SHISA6: variants seen among roughly 807,000 people sequenced by gnomAD.
The protein encoded by SHISA6 is protein shisa-6.
In SHISA6, 22 loss-of-function variants were observed where a neutral mutation model predicts 47.9. That is an observed-to-expected ratio of 0.46 (90% CI 0.33 to 0.66). The LOEUF (loss-of-function observed/expected upper bound fraction) is 0.66. Ranked by LOEUF, SHISA6 falls within the 30% of genes least tolerant of loss-of-function variation. The probability of loss-of-function intolerance (pLI) is 0.02; values close to 1 mark genes in which losing one functional copy is unlikely to be tolerated. For missense variants in SHISA6, 680 were observed against 764.6 expected (o/e 0.89, Z 1.30); for synonymous variants, 388 against 337.8 (o/e 1.15, Z -1.63).
At chr17:11,285,823 G>C (rs1051370236) in intron 2 of SHISA6, among the ~76,000 whole-genome samples, 5 of 150,624 alleles carry the variant, frequency 3.3e-5, no homozygotes, top group African/African-American at 4.9e-5. Flanking sequence ...GTGGCTCTGT[G>C]TCTCTCTCTC....
intron 2 of SHISA6, among the ~76,000 whole-genome samples, chr17:11,285,369 C>G (rs1408449976): frequency 1.3e-5 from 2 of 152,160 alleles, no homozygotes; most frequent in Non-Finnish European, 2.9e-5. Context: ...CAGCTTGTTG[C>G]AAATGATACA....
chr17:11,477,470 C>T (rs972798689), intron 3 of SHISA6, among the ~76,000 whole-genome samples: 1 of 151,896 alleles, frequency 6.6e-6, no homozygotes, highest in East Asian at 1.9e-4. Context: ...GCACATTGTG[C>T]AGGTTAGTTA....
chr17:11,369,587 T>C (rs1346419477), intron 2 of SHISA6, among the ~76,000 whole-genome samples: 1 of 152,204 alleles, frequency 6.6e-6, no homozygotes, highest in Non-Finnish European at 1.5e-5. Flanking sequence ...AAACTGACAA[T>C]TCCTTCATTT....
At chr17:11,447,281 G>A (rs1336476589) in intron 3 of SHISA6, among the ~76,000 whole-genome samples, 1 of 152,222 alleles carries the variant, frequency 6.6e-6, no homozygotes, top group Non-Finnish European at 1.5e-5. Flanking sequence ...GGTAGTCTCT[G>A]AATTAAGGAT....
In SHISA6 at chr17:11,558,348, C is replaced by T. The variant is rs997303500; in HGVS notation, c.*44C>T. 42 of 1,511,978 alleles carry T rather than the reference C, an allele frequency of 2.8e-5. No individual in the cohort carries two copies. The highest frequency in any genetic ancestry group is 1.2e-4 in the East Asian group (5 of 40,698). 93.7% of individuals were successfully genotyped at this position (1,511,978 alleles called of 1,614,324 possible). On this transcript the variant is annotated 3_prime_UTR_variant, in exon 6 of 6. Transcript: ENST00000441885. ...GGCTGCTGGGCGTGGCAGAGCAGAG[C>T]GGGGGCCGGGAGGGGCCAGGAGCAG...
At chr17:11,350,174 A>ATTTTTTTTTTTTTTTTTTTTTTT (rs1310542458) in intron 2 of SHISA6, among the ~76,000 whole-genome samples, 2 of 100,382 alleles carry the variant, frequency 2.0e-5, no homozygotes, top group African/African-American at 8.4e-5. Context: ...TTATTTATTT[A>ATTTTTTTTTTTTTTTTTTTTTTT]TTTATTTATT....
Position 11,379,422 on chromosome 17 carries a change from G to A in SHISA6, c.808G>A (p.Gly270Arg), listed in dbSNP as rs1912933368. The part of the protein sequence containing the change: ...RTAKQTPGHY[G>R]KDAYRSGGPD... ...GCCCCATCTTCTTGCAGGGCATTAT[G>A]GGAAGGATGCTTACCGAAGTGGAGG... The change falls in exon 3 of 6, where the codon GGG becomes AGG. Residue 270 changes from glycine (G) to arginine (R), a missense_variant. By Grantham distance (125) the Gly-to-Arg change is moderately radical. Coordinates refer to ENST00000441885, the MANE Select transcript of SHISA6 (RefSeq NM_207386.4). 1.3e-6 allele frequency: 2 copies of A among 1,537,990 alleles called. No homozygotes were observed. Among genetic ancestry groups the A allele is most frequent in the Non-Finnish European group, 1.8e-6 (2 of 1,141,288 alleles).
intron 3 of SHISA6, among the ~76,000 whole-genome samples, chr17:11,385,882 T>C (rs1913175812): frequency 6.6e-6 from 1 of 151,938 alleles, no homozygotes; most frequent in Non-Finnish European, 1.5e-5. Flanking sequence ...CAATCAGCTA[T>C]TATAGACTGT....
At chr17:11,245,978 G>A (rs1348341937) in intron 1 of SHISA6, among the ~76,000 whole-genome samples, 4 of 152,128 alleles carry the variant, frequency 2.6e-5, no homozygotes, top group East Asian at 1.9e-4. Context: ...GGGCCCCTTC[G>A]CTGGCTGATT....
At chr17:11,493,504 G>A (rs1188335521) in intron 3 of SHISA6, among the ~76,000 whole-genome samples, 1 of 152,184 alleles carries the variant, frequency 6.6e-6, no homozygotes, top group Non-Finnish European at 1.5e-5. Flanking sequence ...TGGGATTACA[G>A]GCATGAGCCA....
intron 3 of SHISA6, among the ~76,000 whole-genome samples, chr17:11,518,802 A>T (rs2071606009): frequency 6.6e-6 from 1 of 152,236 alleles, no homozygotes; most frequent in African/African-American, 2.4e-5. Context: ...GCCAAGACAG[A>T]GAAACATTCC....
In SHISA6 at chr17:11,465,749, C is replaced by T. The variant is rs144975269; in HGVS notation, c.896-86147C>T. 2.9e-3 allele frequency among the ~76,000 whole-genome samples: 440 copies of T among 152,298 alleles called. 2 individuals carry two copies. The highest frequency in any genetic ancestry group is 0.014 in the Middle Eastern group (4 of 294). On this transcript the variant is annotated intron_variant, in intron 3 of 5. Transcript: ENST00000441885. ...CAGTGGGGGTGATGCTGCTTCAAGG[C>T]TGAGCTTCATACATGGTCACTTTGC...
At chr17:11,488,756 T>C (rs1916408927) in intron 3 of SHISA6, among the ~76,000 whole-genome samples, 1 of 152,184 alleles carries the variant, frequency 6.6e-6, no homozygotes, top group Admixed American at 6.5e-5. Flanking sequence ...CCAGGGCTAA[T>C]GCTCATTGGT....
At chr17:11,349,639 A>C (rs1179160046) in intron 2 of SHISA6, among the ~76,000 whole-genome samples, 1 of 152,216 alleles carries the variant, frequency 6.6e-6, no homozygotes, top group Non-Finnish European at 1.5e-5. Context: ...TGTGTAAGTC[A>C]GTGCTAAAGA....
At chr17:11,316,216 C>G (rs1393461350) in intron 2 of SHISA6, among the ~76,000 whole-genome samples, 1 of 151,428 alleles carries the variant, frequency 6.6e-6, no homozygotes, top group African/African-American at 2.4e-5. Context: ...TTTGCTTTGC[C>G]ATTTCTGATG....
chr17:11,321,298 C>G (rs1910712065), intron 2 of SHISA6, among the ~76,000 whole-genome samples: 2 of 152,166 alleles, frequency 1.3e-5, no homozygotes, highest in Non-Finnish European at 2.9e-5. Context: ...TACCTCAGAA[C>G]TAGATTATAT....
chr17:11,331,712 A>C (rs984626407), intron 2 of SHISA6, among the ~76,000 whole-genome samples: 3 of 148,666 alleles, frequency 2.0e-5, no homozygotes, highest in African/African-American at 7.6e-5. Context: ...TTTTTCTCTG[A>C]TCCACAGCTC....
At chr17:11,409,762 T>C (rs115656702) in intron 3 of SHISA6, among the ~76,000 whole-genome samples, 1,669 of 150,814 alleles carry the variant, frequency 0.011, 38 homozygotes, top group African/African-American at 0.038. Context: ...TGGAGAAAGT[T>C]AGGAGTTCTT....
rs141091909 is a variant in SHISA6 at position 11,268,695 on chromosome 17, A to T, written c.799+5169A>T. On this transcript the variant is annotated intron_variant, in intron 2 of 5. Transcript: ENST00000441885. Reference sequence around the variant, plus strand: ...GTTCATGTGTTTATTATCTGTCACCATCAGAATTTAAGCCCCAGGTACACA... The same window carrying T: ...GTTCATGTGTTTATTATCTGTCACCTTCAGAATTTAAGCCCCAGGTACACA... Among the ~76,000 whole-genome samples the T allele has an allele frequency of 5.1e-4, 78 of 152,310 alleles. No individual in the cohort carries two copies. The Middle Eastern group carries it at 0.017, about 33-fold the overall frequency.
Sources: allele counts gnomAD v4.1 joint callset (sites outside exome capture counted in the v4.1 genomes callset), GRCh38; gene constraint gnomAD v4.1.1; transcripts MANE v1.5; gene names NCBI Gene and HGNC (gene_info 2026-07-23, HGNC 2026-07-21).